Variants in OR52I2 observed in about 807,000 individuals in gnomAD.
OR52I2 encodes the protein olfactory receptor family 52 subfamily I member 2.
For missense variants in OR52I2, 350 were observed against 402.4 expected (o/e 0.87, Z 1.11); for synonymous variants, 147 against 151.9 (o/e 0.97, Z 0.24).
intron 1 of OR52I2, among the ~76,000 whole-genome samples, chr11:4,584,278 A>G (rs934817121): frequency 1.3e-5 from 2 of 152,304 alleles, no homozygotes; most frequent in South Asian, 4.1e-4. Flanking sequence ...AAATCACACA[A>G]TTGATGTGGT....
chr11:4,588,065 T>G, exon 2 of OR52I2: 1 of 586,710 alleles, frequency 1.7e-6, no homozygotes, highest in Non-Finnish European at 3.0e-6. Context: ...AACTTGTATC[T>G]GAATCAGAGA....
At chr11:4,582,197 A>G (rs1048536777) in intron 1 of OR52I2, among the ~76,000 whole-genome samples, 1 of 152,102 alleles carries the variant, frequency 6.6e-6, no homozygotes, top group Non-Finnish European at 1.5e-5. Context: ...GGTGACTGGG[A>G]GTATGCTTGG....
exon 2 of OR52I2, chr11:4,590,875 G>A (rs190554919): frequency 1.6e-4 from 24 of 152,294 alleles, no homozygotes; most frequent in Non-Finnish European, 2.8e-4. Context: ...TTTATAATCT[G>A]ATTATGATGT....
At chr11:4,592,998 G>C (rs550512210) in exon 2 of OR52I2, 2 of 152,282 alleles carry the variant, frequency 1.3e-5, no homozygotes, top group African/African-American at 4.8e-5. Context: ...CATGATCTTG[G>C]CTAGAATATT....
At chr11:4,585,284 A>C (rs1846291105) in intron 1 of OR52I2, among the ~76,000 whole-genome samples, 1 of 152,164 alleles carries the variant, frequency 6.6e-6, no homozygotes, top group African/African-American at 2.4e-5. Context: ...ATTCTGAAGA[A>C]AAAAACCTAG....
chr11:4,591,774 G>A (rs1177834702), exon 2 of OR52I2: 1 of 152,206 alleles, frequency 6.6e-6, no homozygotes, highest in East Asian at 1.9e-4. Flanking sequence ...CAGCAGAAAT[G>A]TGAGCTATGC....
At chr11:4,588,747 G>A (rs1361589022) in exon 2 of OR52I2, 4 of 152,224 alleles carry the variant, frequency 2.6e-5, no homozygotes, top group Non-Finnish European at 4.4e-5. Context: ...GAAGTACACT[G>A]TCAGTGTGAA....
chr11:4,587,149 A>G (rs753605884), exon 2 of OR52I2: 2 of 1,614,134 alleles, frequency 1.2e-6, no homozygotes, highest in Admixed American at 3.3e-5. Flanking sequence ...CAAGATGGTG[A>G]GCATCTTCTG....
chr11:4,587,121 G>A, exon 2 of OR52I2: 1 of 1,614,158 alleles, frequency 6.2e-7, no homozygotes, highest in Non-Finnish European at 8.5e-7. Context: ...ACATTGTTAT[G>A]GCCTCCTCGG....
exon 2 of OR52I2, chr11:4,589,589 T>C (rs1315767833): frequency 1.3e-5 from 2 of 152,100 alleles, no homozygotes; most frequent in South Asian, 2.1e-4. Flanking sequence ...ATGAAAATGA[T>C]ATTTGGATAG....
intron 1 of OR52I2, among the ~76,000 whole-genome samples, chr11:4,584,118 C>T (rs1846281127): frequency 6.6e-6 from 1 of 152,166 alleles, no homozygotes; most frequent in Non-Finnish European, 1.5e-5. Context: ...CAGCTTCTTA[C>T]TATGGAAACC....
chr11:4,582,335 CTT>C (rs906916849), intron 1 of OR52I2, among the ~76,000 whole-genome samples: 13 of 151,204 alleles, frequency 8.6e-5, no homozygotes, highest in African/African-American at 3.2e-4. Flanking sequence ...ACTTCCCACT[CTT>C]TTAATAGAAA....
At chr11:4,585,289 A>G (rs1044890218) in intron 1 of OR52I2, among the ~76,000 whole-genome samples, 4 of 152,158 alleles carry the variant, frequency 2.6e-5, no homozygotes, top group Non-Finnish European at 5.9e-5. Context: ...GAAGAAAAAA[A>G]CCTAGGGGTT....
At chr11:4,592,883 C>A (rs1432921034) in exon 2 of OR52I2, 1 of 152,176 alleles carries the variant, frequency 6.6e-6, no homozygotes, top group Non-Finnish European at 1.5e-5. Flanking sequence ...CAAGTGAAAC[C>A]CCTAACCTTG....
At chr11:4,588,436 T>G (rs918283400) in exon 2 of OR52I2, 5 of 156,674 alleles carry the variant, frequency 3.2e-5, no homozygotes, top group African/African-American at 9.6e-5. Context: ...ACATGAACTT[T>G]AAAACATGGC....
intron 1 of OR52I2, among the ~76,000 whole-genome samples, chr11:4,583,443 G>C (rs1407862199): frequency 6.6e-6 from 1 of 152,168 alleles, no homozygotes; most frequent in African/African-American, 2.4e-5. Flanking sequence ...GTGGGGAAGA[G>C]GCTGTTTGGA....
exon 2 of OR52I2, chr11:4,588,289 T>C (rs937616152): frequency 5.9e-6 from 1 of 169,682 alleles, no homozygotes; most frequent in Non-Finnish European, 1.3e-5. Context: ...CAACTCTATT[T>C]CTTAGTTTTT....
chr11:4,586,625 G>A (rs973959704), intron 1 of OR52I2, among the ~76,000 whole-genome samples: 1 of 152,148 alleles, frequency 6.6e-6, no homozygotes, highest in Non-Finnish European at 1.5e-5. Context: ...AATGGGGAAG[G>A]AAGAAAGCAG....
chr11:4,586,824 A>T, intron 1 of OR52I2, 48 bp from the exon 2 acceptor site: 1 of 1,613,074 alleles, frequency 6.2e-7, no homozygotes, highest in Non-Finnish European at 8.5e-7. Flanking sequence ...TGTGTCAACA[A>T]ATCTTACGGG....
Sources: allele counts gnomAD v4.1 joint callset (sites outside exome capture counted in the v4.1 genomes callset), GRCh38; gene constraint gnomAD v4.1.1; transcripts MANE v1.5; gene names NCBI Gene and HGNC (gene_info 2026-07-23, HGNC 2026-07-21).